The following FOXO3 variants were observed in gnomAD, a reference collection of about 807,000 sequenced individuals.
FOXO3 encodes forkhead box protein O3.
In FOXO3, 4 loss-of-function variants were observed where a neutral mutation model predicts 41.9. The observed-to-expected ratio is 0.10, with a 90% CI of 0.05 to 0.22. The LOEUF is 0.22. Ranked by LOEUF, FOXO3 falls within the 10% of genes least tolerant of loss-of-function variation. The pLI, the probability that FOXO3 is intolerant of heterozygous loss-of-function variation, is 1.00. For synonymous variants in FOXO3, 318 were observed against 389.3 expected, an observed-to-expected ratio of 0.82 and a Z score of 2.16; for missense variants, 534 against 906.8, an observed-to-expected ratio of 0.59 and a Z score of 5.28.
In FOXO3 at chr6:108,560,977, C is replaced by G; in HGVS notation, c.-232C>G. ...TTCAGGTCCTCCTGTTCCTGGGAGGCGGGCGCGGCAGGACTGGGAGGTGGC... is the reference window on the plus strand; with the variant it reads ...TTCAGGTCCTCCTGTTCCTGGGAGGGGGGCGCGGCAGGACTGGGAGGTGGC... On this transcript the variant is annotated 5_prime_UTR_variant, in exon 1 of 3. Coordinates refer to ENST00000406360, the MANE Select transcript of FOXO3 (RefSeq NM_001455.4). 1.5e-6 allele frequency: 2 copies of G among 1,339,408 alleles called. No individual in the cohort carries two copies. The highest frequency in any genetic ancestry group is 4.0e-5 in the South Asian group (2 of 50,068). The allele number at this position is 1,339,408 out of a possible 1,614,324, so 83.0% of individuals were successfully genotyped here. A position where few individuals can be genotyped will look rare whatever the true frequency, so the allele number is the denominator to read the frequency against.
At chr6:108,560,407 C>T (rs939383229), upstream of FOXO3, among the ~76,000 whole-genome samples, 1 of 152,206 alleles carries the variant, frequency 6.6e-6, no homozygotes, top group Non-Finnish European at 1.5e-5. Context: ...TGCGAACACC[C>T]GCTGGGCTGC....
chr6:108,655,766 C>T (rs916441181), intron 1 of FOXO3, among the ~76,000 whole-genome samples: 4 of 152,218 alleles, frequency 2.6e-5, no homozygotes, highest in Non-Finnish European at 5.9e-5. Flanking sequence ...GCAGTGCTCT[C>T]CTGTGGCACG....
In FOXO3 at chr6:108,650,164, T is replaced by C. The variant is rs150627505; in HGVS notation, c.622-13291T>C. ...TCAGACTTAACCAAGGAGGTAGTTA[T>C]AAGGTCAGGGGTCCTGCATCCTCAG... On this transcript the variant is annotated intron_variant, in intron 1 of 2. Coordinates refer to ENST00000406360, the MANE Select transcript of FOXO3 (RefSeq NM_001455.4). Among the ~76,000 whole-genome samples, 787 of 152,278 alleles carry C rather than the reference T, an allele frequency of 5.2e-3. 4 individuals carry two copies. Among genetic ancestry groups the C allele is most frequent in the African/African-American group, 0.018 (753 of 41,550 alleles).
chr6:108,617,795 T>TAA (rs990766978), intron 1 of FOXO3, among the ~76,000 whole-genome samples: 1 of 150,066 alleles, frequency 6.7e-6, no homozygotes, highest in African/African-American at 2.4e-5. Context: ...CGTTGGCTGT[T>TAA]AAAAAAAAAA....
At chr6:108,633,601 G>C (rs1285252759) in intron 1 of FOXO3, among the ~76,000 whole-genome samples, 2 of 152,080 alleles carry the variant, frequency 1.3e-5, no homozygotes, top group African/African-American at 4.8e-5. Context: ...AAATACTTAG[G>C]TCATTATAAT....
chr6:108,661,303 C>T (rs894872871), intron 1 of FOXO3, among the ~76,000 whole-genome samples: 8 of 151,794 alleles, frequency 5.3e-5, no homozygotes, highest in Admixed American at 4.6e-4. Context: ...GAATACAGTT[C>T]GTGATTGCCA....
chr6:108,580,084 C>G (rs563061771), intron 1 of FOXO3, among the ~76,000 whole-genome samples: 1 of 151,454 alleles, frequency 6.6e-6, no homozygotes, highest in Admixed American at 6.6e-5. Flanking sequence ...TTAGATTTAT[C>G]TATCATTTTC....
chr6:108,669,612 A>T (rs1160676222), intron 2 of FOXO3, among the ~76,000 whole-genome samples: 1 of 152,192 alleles, frequency 6.6e-6, no homozygotes, highest in Admixed American at 6.5e-5. Context: ...CGAAAGTCTG[A>T]ACTGTCATTC....
At chr6:108,591,502 C>CG (rs1304284282) in intron 1 of FOXO3, among the ~76,000 whole-genome samples, 1 of 152,112 alleles carries the variant, frequency 6.6e-6, no homozygotes, top group Non-Finnish European at 1.5e-5. Flanking sequence ...TCTAAATCAT[C>CG]GGGAAAAAGC....
Position 108,618,100 on chromosome 6 carries a change from G to A in FOXO3, c.622-45355G>A, listed in dbSNP as rs113727141. 5,033 of 782,296 alleles carry A rather than the reference G, an allele frequency of 6.4e-3. 172 individuals are homozygous for A. The African/African-American group carries it at 0.073, about 11-fold the overall frequency. The allele number at this position is 782,296 out of a possible 1,614,324, so 48.5% of individuals were successfully genotyped here. On this transcript the variant is annotated intron_variant, in intron 1 of 2. Transcript: ENST00000406360. ...GTCTTTTTCATTGATTTGGTTGCCG[G>A]TCAAATCAGAGTCTGATCTGCCTCA...
intron 2 of FOXO3, among the ~76,000 whole-genome samples, chr6:108,679,028 C>T (rs545233048): frequency 9.9e-5 from 15 of 151,948 alleles, no homozygotes; most frequent in South Asian, 2.1e-4. Context: ...CCCGCCACCG[C>T]GCCCGGCTAA....
intron 1 of FOXO3, among the ~76,000 whole-genome samples, chr6:108,571,032 A>G (rs12055603): frequency 0.049 from 7,432 of 152,188 alleles, 307 homozygotes; most frequent in South Asian, 0.21. Flanking sequence ...CTACATGTTC[A>G]TTTATACCTA....
intron 1 of FOXO3, among the ~76,000 whole-genome samples, chr6:108,579,844 G>T (rs1389997746): frequency 1.3e-5 from 2 of 152,074 alleles, no homozygotes; most frequent in African/African-American, 4.8e-5. Flanking sequence ...TCTCAGACCT[G>T]GAGATAATGA....
chr6:108,624,286 G>T (rs1016201979), intron 1 of FOXO3, among the ~76,000 whole-genome samples: 2 of 151,014 alleles, frequency 1.3e-5, no homozygotes, highest in Non-Finnish European at 2.9e-5. Context: ...CTTCAGATGA[G>T]ACATTTCTTA....
intron 1 of FOXO3, among the ~76,000 whole-genome samples, chr6:108,607,652 G>T (rs1009045355): frequency 3.3e-5 from 5 of 152,104 alleles, no homozygotes; most frequent in African/African-American, 2.4e-5. Flanking sequence ...AAAGTCTGAG[G>T]GAGTCCCTGT....
intron 1 of FOXO3, among the ~76,000 whole-genome samples, chr6:108,646,688 T>A (rs972928104): frequency 6.6e-6 from 1 of 152,240 alleles, no homozygotes; most frequent in East Asian, 1.9e-4. Context: ...GTAGGTTTTC[T>A]TGGAGATGGG....
upstream of FOXO3, among the ~76,000 whole-genome samples, chr6:108,560,696 C>T (rs1343296711): frequency 6.6e-6 from 1 of 152,084 alleles, no homozygotes; most frequent in Non-Finnish European, 1.5e-5. Flanking sequence ...AACAAACGCA[C>T]GCACACCCGA....
intron 1 of FOXO3, among the ~76,000 whole-genome samples, chr6:108,632,064 A>G (rs1325019419): frequency 6.6e-6 from 1 of 152,170 alleles, no homozygotes; most frequent in African/African-American, 2.4e-5. Context: ...TAGAGGCTTG[A>G]TTAAACTCAG....
Position 108,647,691 on chromosome 6 carries a change from C to A in FOXO3, c.622-15764C>A, listed in dbSNP as rs193123114. Among the ~76,000 whole-genome samples, 57 of 152,214 alleles carry A rather than the reference C, an allele frequency of 3.7e-4. No homozygotes were observed. The East Asian group carries it at 6.9e-3, about 19-fold the overall frequency. ...CGTGAACACCATAGTGAATATACCC[C>A]CTCCTTTTGCCAAAATTGAAATAGG... On this transcript the variant is annotated intron_variant, in intron 1 of 2. Transcript: ENST00000406360.
Sources: allele counts gnomAD v4.1 joint callset (sites outside exome capture counted in the v4.1 genomes callset), GRCh38; gene constraint gnomAD v4.1.1; transcripts MANE v1.5; gene names NCBI Gene and HGNC (gene_info 2026-07-23, HGNC 2026-07-21).